LIPE: variants seen among roughly 807,000 people sequenced by gnomAD.
LIPE encodes the protein lipase E, hormone sensitive type, also known as hormone-sensitive lipase.
A neutral mutation model predicts 88.5 loss-of-function variants in LIPE; 66 were observed. That is an observed-to-expected ratio of 0.75 (90% CI 0.61 to 0.91). LIPE has a LOEUF of 0.91. Among genes scored for constraint, LIPE ranks in the 40% least tolerant of loss-of-function variants. LIPE has a pLI of 0.00. For synonymous variants in LIPE, 570 were observed against 617.5 expected, an observed-to-expected ratio of 0.92 and a Z score of 1.14; for missense variants, 1,346 against 1,434.7, an observed-to-expected ratio of 0.94 and a Z score of 1.00.
rs1015353840 is a variant in LIPE at position 42,424,321 on chromosome 19, G to A, written c.883+1946C>T. On this transcript the variant is annotated intron_variant, in intron 1 of 9. Coordinates refer to ENST00000244289, the MANE Select transcript of LIPE (RefSeq NM_005357.4). ...TGCTTGAGAAATGGCGGGAAACAGA[G>A]GAGGCTCGAGGCTTGCTCACACGCA... The A allele has an allele frequency of 3.1e-5, 14 of 458,676 alleles. No homozygotes were observed. In the East Asian group the frequency reaches 9.0e-4, roughly 30 times the overall value. The allele number at this position is 458,676 out of a possible 1,614,324, so 28.4% of individuals were successfully genotyped here. A position where few individuals can be genotyped will look rare whatever the true frequency, so the allele number is the denominator to read the frequency against.
rs2040656726 is a variant in LIPE at position 42,423,962 on chromosome 19, G to A, written c.883+2305C>T. On this transcript the variant is annotated intron_variant, in intron 1 of 9. Coordinates refer to ENST00000244289, the MANE Select transcript of LIPE (RefSeq NM_005357.4). ...GATGCCCTAGCACGCGGCCCGGCCC[G>A]CCTTTTGAAGGGGGAAAGTGGGGCG... is the stretch of plus-strand genomic sequence containing the variant. The A allele has an allele frequency of 1.8e-5, 21 of 1,166,118 alleles. No homozygotes were observed. In the South Asian group the frequency reaches 3.4e-4, roughly 19 times the overall value. 72.2% of individuals were successfully genotyped at this position (1,166,118 alleles called of 1,614,324 possible).
Position 42,426,563 on chromosome 19 carries a change from G to C in LIPE, c.587C>G (p.Ser196Cys). 1.9e-6 allele frequency: 3 copies of C among 1,614,188 alleles called. No homozygotes were observed. Among genetic ancestry groups the C allele is most frequent in the Non-Finnish European group, 1.7e-6 (2 of 1,180,044 alleles). Residue 196 changes from serine to cysteine, a missense_variant, in exon 1 of 10, where the codon TCC becomes TGC. Physicochemically the swap from Ser to Cys is moderately radical, Grantham distance 112 (BLOSUM62 -1). Transcript: ENST00000244289. ...KQTTPVQGAK[S>C]KQGSLTELGF... ...CAGCTCTGTCAAAGATCCCTGCTTGGATTTGGCTCCCTGGACTGGCGTTGT... is the reference window on the plus strand; with the variant it reads ...CAGCTCTGTCAAAGATCCCTGCTTGCATTTGGCTCCCTGGACTGGCGTTGT...
At chr19:42,424,268 C>A (rs527373364) in intron 1 of LIPE, 1 of 509,838 alleles carries the variant, frequency 2.0e-6, no homozygotes, top group Non-Finnish European at 3.6e-6. Flanking sequence ...CGGGCCGGCC[C>A]AAGAGCGGAG....
chr19:42,416,574 A>T (rs1178797933), intron 1 of LIPE, among the ~76,000 whole-genome samples: 1 of 152,246 alleles, frequency 6.6e-6, no homozygotes, highest in Non-Finnish European at 1.5e-5. Context: ...CCCCCTTGTT[A>T]GGGGCTAATG....
chr19:42,423,453 G>A, intron 1 of LIPE: 3 of 1,289,334 alleles, frequency 2.3e-6, no homozygotes, highest in Non-Finnish European at 3.0e-6. Flanking sequence ...GCCGGCGACC[G>A]TGGCTCCTTG....
At position 42,410,326 on chromosome 19, in the gene LIPE, C is replaced by T. The variant is rs1568603680; in HGVS notation, c.1400G>A (p.Gly467Asp). The T allele has an allele frequency of 1.9e-6, 3 of 1,597,196 alleles. No individual in the cohort carries two copies. The highest frequency in any genetic ancestry group is 4.6e-5 in the East Asian group (2 of 43,600). The change falls in exon 2 of 10, where the codon GGC becomes GAC. Residue 467 changes from glycine to aspartate, a missense_variant. By Grantham distance (94) the Gly-to-Asp change is moderately conservative (BLOSUM62 -1). Transcript: ENST00000244289. This position sits in a 1 kb window ranked among gnomAD's most constrained non-coding sequence, Gnocchi z 6.1. ...GCTCACCTGGAAGCCCAGGCAGCGG[C>T]CATAGAAGCATCCCTTATGCAGCGT... ...YVTLHKGCFY[G>D]RCLGFQFTPA... is the part of the protein sequence containing the mutation.
At position 42,423,731 on chromosome 19, in the gene LIPE, A is replaced by C. The variant is rs188116204; in HGVS notation, c.883+2536T>G. On this transcript the variant is annotated intron_variant, in intron 1 of 9. Transcript: ENST00000244289. Reference sequence around the variant, plus strand: ...CCGCCCCCAACCGCCAGAATTTAAGATCTGGCTCCGCCCCCTACCGCGCAT... The same window carrying C: ...CCGCCCCCAACCGCCAGAATTTAAGCTCTGGCTCCGCCCCCTACCGCGCAT... The C allele has an allele frequency of 3.4e-5, 38 of 1,130,552 alleles. No homozygotes were observed. The African/African-American group carries it at 6.2e-4, about 19-fold the overall frequency. 70.0% of individuals were successfully genotyped at this position (1,130,552 alleles called of 1,614,324 possible).
intron 1 of LIPE, among the ~76,000 whole-genome samples, chr19:42,418,345 G>A (rs973527915): frequency 6.6e-6 from 1 of 152,176 alleles, no homozygotes; most frequent in African/African-American, 2.4e-5. Context: ...ACATGTTACA[G>A]AGAACAGTTT....
chr19:42,421,317 C>T (rs2040593820), intron 1 of LIPE, among the ~76,000 whole-genome samples: 1 of 152,186 alleles, frequency 6.6e-6, no homozygotes, highest in African/African-American at 2.4e-5. Context: ...TTTCTCCATA[C>T]TGTCCTCTCT....
rs542011050 is a variant in LIPE at position 42,423,983 on chromosome 19, G to C, written c.883+2284C>G. The C allele has an allele frequency of 6.8e-4, 798 of 1,168,862 alleles. 1 individual carries two copies. The Middle Eastern group carries it at 8.3e-3, about 12-fold the overall frequency. 72.4% of individuals were successfully genotyped at this position (1,168,862 alleles called of 1,614,324 possible). ...GCCCGCCTTTTGAAGGGGGAAAGTG[G>C]GGCGCCTCTGAGCCTCTGCCTGGGG... On this transcript the variant is annotated intron_variant, in intron 1 of 9. Coordinates refer to ENST00000244289, the MANE Select transcript of LIPE (RefSeq NM_005357.4).
In LIPE at chr19:42,410,244, C is replaced by T. The variant is rs2040330442; in HGVS notation, c.1419+63G>A. The stretch of plus-strand genomic sequence containing the variant: ...CTGGTTACTTTACCATACTATAGGC[C>T]AGGCCAGGGGCCACCAGGTGCCTTC... On this transcript the variant is annotated intron_variant, in intron 2 of 9. Transcript: ENST00000244289. This position sits in a 1 kb window ranked among gnomAD's most constrained non-coding sequence, Gnocchi z 6.1. The T allele has an allele frequency of 4.8e-6, 7 of 1,467,220 alleles. No homozygotes were observed. Among genetic ancestry groups the T allele is most frequent in the African/African-American group, 1.4e-5 (1 of 71,112 alleles). 90.9% of individuals were successfully genotyped at this position (1,467,220 alleles called of 1,614,324 possible). A position where few individuals can be genotyped will look rare whatever the true frequency, so the allele number is the denominator to read the frequency against.
rs755050479 is a variant in LIPE, at chr19:42,427,027, A to G, written c.123T>C (p.Thr41=). Residue 41 remains threonine, a synonymous_variant, in exon 1 of 10, where the codon ACT becomes ACC. Transcript: ENST00000244289. ...TCTGTTGGGTATTGGATCCCTGCAG[A>G]GTCTTCGATTCTGGCTGGGCTATGG... ...KTPIAQPESK[T]LQGSNTQQKP... 7 of 1,613,540 alleles carry G rather than the reference A, an allele frequency of 4.3e-6. No individual in the cohort carries two copies. The highest frequency in any genetic ancestry group is 1.7e-4 in the Middle Eastern group (1 of 6,058).
At chr19:42,403,247 G>A (rs2040053050) in intron 8 of LIPE, among the ~76,000 whole-genome samples, 2 of 90,486 alleles carry the variant, frequency 2.2e-5, no homozygotes, top group Admixed American at 9.8e-5. Context: ...AAGGATGTGT[G>A]TGTGTGTGTG....
chr19:42,407,864 C>A lies in LIPE; in HGVS notation c.1657-73G>T. On this transcript the variant is annotated intron_variant, in intron 4 of 9. Coordinates refer to ENST00000244289, the MANE Select transcript of LIPE (RefSeq NM_005357.4). The surrounding 1 kb of genome is among the most constrained non-coding windows in gnomAD (Gnocchi z 5.8). The stretch of plus-strand genomic sequence containing the variant: ...GGTGCCCTTCACCTCTCCCTCTGAT[C>A]CCCAGTCTTTCCCCTTGTGTGCCAT... 6.4e-7 allele frequency: 1 copy of A among 1,552,706 alleles called. No homozygotes were observed.
Position 42,407,379 on chromosome 19 carries a change from C to T in LIPE, c.1932G>A (p.Arg644=). Residue 644 remains arginine (R), a synonymous_variant, in exon 6 of 10, where the codon CGG becomes CGA. Coordinates refer to ENST00000244289, the MANE Select transcript of LIPE (RefSeq NM_005357.4). This position sits in a 1 kb window ranked among gnomAD's most constrained non-coding sequence, Gnocchi z 5.8. The part of the protein sequence containing the change: ...WPRPQQAPRS[R]SLIVHFHGGG... ...CGCCGTGGAAGTGCACTATCAGGGACCGCGAGCGGGGTGCCTGCTGGGGGC... is the reference window on the plus strand; with the variant it reads ...CGCCGTGGAAGTGCACTATCAGGGATCGCGAGCGGGGTGCCTGCTGGGGGC... 2 of 1,613,594 alleles carry T rather than the reference C, an allele frequency of 1.2e-6. No homozygotes were observed. The highest frequency in any genetic ancestry group is 2.2e-5 in the East Asian group (1 of 44,866).
At position 42,426,764 on chromosome 19, in the gene LIPE, G is replaced by A; in HGVS notation, c.386C>T (p.Pro129Leu). ...GGCTACATGTCTTTGTCTCAATGCT[G>A]GCTCCTGTTGAGTTATAGATTCTTT... ...LGKESITQQE[P>L]ALRQRHVAQP... The change falls in exon 1 of 10, where the codon CCA (proline) becomes CTA (leucine). Residue 129 changes from proline to leucine, a missense_variant. Coordinates refer to ENST00000244289, the MANE Select transcript of LIPE (RefSeq NM_005357.4). 1 of 1,614,186 alleles carries A rather than the reference G, an allele frequency of 6.2e-7. No individual in the cohort carries two copies. The highest frequency in any genetic ancestry group is 8.5e-7 in the Non-Finnish European group (1 of 1,180,030).
rs374057960 is a variant in LIPE, at chr19:42,408,221, C to T, written c.1510+11G>A. The T allele has an allele frequency of 9.3e-6, 15 of 1,613,968 alleles. No individual in the cohort carries two copies. Among genetic ancestry groups the T allele is most frequent in the Non-Finnish European group, 1.3e-5 (15 of 1,179,864 alleles). On this transcript the variant is annotated intron_variant, in intron 3 of 9. Coordinates refer to ENST00000244289, the MANE Select transcript of LIPE (RefSeq NM_005357.4). This position sits in a 1 kb window ranked among gnomAD's most constrained non-coding sequence, Gnocchi z 4.3. Reference sequence around the variant, plus strand: ...AGAGTAGGCTGCGAGTAGAACCTGGCTGGGACTCACTGAGGCCTGTCTCGT... The same window carrying T: ...AGAGTAGGCTGCGAGTAGAACCTGGTTGGGACTCACTGAGGCCTGTCTCGT...
chr19:42,419,238 A>G (rs2040548566), intron 1 of LIPE, among the ~76,000 whole-genome samples: 1 of 152,212 alleles, frequency 6.6e-6, no homozygotes, highest in Non-Finnish European at 1.5e-5. Context: ...AGATCACACC[A>G]TTGCACTCCA....
Position 42,410,201 on chromosome 19 carries a change from G to T in LIPE, c.1419+106C>A. The T allele has an allele frequency of 1.7e-6, 2 of 1,163,428 alleles. No individual in the cohort carries two copies. Among genetic ancestry groups the T allele is most frequent in the Non-Finnish European group, 2.4e-6 (2 of 843,990 alleles). 72.1% of individuals were successfully genotyped at this position (1,163,428 alleles called of 1,614,324 possible). A position where few individuals can be genotyped will look rare whatever the true frequency, so the allele number is the denominator to read the frequency against. ...CCTTTCTGTACCTGCTGTTTGCTGA[G>T]TCCGATAATGCTGACCACTGGTTAC... On this transcript the variant is annotated intron_variant, in intron 2 of 9. Transcript: ENST00000244289. This position sits in a 1 kb window ranked among gnomAD's most constrained non-coding sequence, Gnocchi z 6.1.
Sources: allele counts gnomAD v4.1 joint callset (sites outside exome capture counted in the v4.1 genomes callset), GRCh38; gene constraint gnomAD v4.1.1; non-coding constraint Gnocchi (gnomAD v3.1); transcripts MANE v1.5; gene names NCBI Gene and HGNC (gene_info 2026-07-23, HGNC 2026-07-21).